Variants in INTS7 observed in about 807,000 individuals in gnomAD.
The protein encoded by INTS7 is chromosome 1 open reading frame 73.
Under a neutral mutation model 109.2 loss-of-function variants are expected in INTS7, and 46 were observed. That is an observed-to-expected ratio of 0.42 (90% CI 0.33 to 0.54). INTS7 has a LOEUF of 0.54. Ranked by LOEUF, INTS7 falls within the 20% of genes least tolerant of loss-of-function variation. INTS7 has a pLI of 0.07. For synonymous variants in INTS7, 412 were observed against 402.9 expected (o/e 1.02, Z -0.27); for missense variants, 929 against 1,132.4 (o/e 0.82, Z 2.58).
intron 19 of INTS7, among the ~76,000 whole-genome samples, chr1:211,943,675 AG>A (rs1477582867): frequency 6.6e-6 from 1 of 152,220 alleles, no homozygotes; most frequent in Non-Finnish European, 1.5e-5. Flanking sequence ...GCCATAGTTA[AG>A]AAAGTAGTAA....
intron 10 of INTS7, among the ~76,000 whole-genome samples, 180 bp downstream of exon 10, chr1:211,980,913 T>G (rs1243257667): frequency 6.6e-6 from 1 of 152,232 alleles, no homozygotes; most frequent in Non-Finnish European, 1.5e-5. Context: ...GCTGCAGTCA[T>G]GTCATCAGTT....
At position 211,978,308 on chromosome 1, in the gene INTS7, A is replaced by C; in HGVS notation, c.1434T>G (p.Ile478Met). ...GTTGCTTGTCTGTGGCTGATCGTCC[A>C]ATCACCTTGTACAGCTCCATGAGGT... ...LGDLMELYKV[I>M]GRSATDKQQE... The change falls in exon 11 of 20, where the codon ATT (isoleucine) becomes ATG (methionine). Residue 478 changes from isoleucine to methionine, a missense_variant. Around this residue, in one of 2 missense-constraint regions of INTS7, gnomAD observed 787 missense variants for 901.1 expected, o/e 0.87. Coordinates refer to ENST00000366994, the MANE Select transcript of INTS7 (RefSeq NM_015434.4). 6.2e-7 allele frequency: 1 copy of C among 1,614,168 alleles called. No homozygotes were observed. The highest frequency in any genetic ancestry group is 1.6e-4 in the Middle Eastern group (1 of 6,062).
Position 212,035,554 on chromosome 1 carries a change from T to A in INTS7, c.-117A>T. ...TTCTTCCGCGCGCTGTCAAGCCCTG[T>A]TACGCATGCGCCCTGGTCACCCCGC... On this transcript the variant is annotated 5_prime_UTR_variant, in exon 1 of 20. Coordinates refer to ENST00000366994, the MANE Select transcript of INTS7 (RefSeq NM_015434.4). The A allele has an allele frequency of 3.7e-6, 3 of 820,750 alleles. No homozygotes were observed. The highest frequency in any genetic ancestry group is 2.5e-5 in the East Asian group (1 of 39,778). 50.8% of individuals were successfully genotyped at this position (820,750 alleles called of 1,614,324 possible).
In INTS7 at chr1:211,975,220, A is replaced by T; in HGVS notation, c.1761T>A (p.Leu587=). 1.9e-6 allele frequency: 3 copies of T among 1,613,882 alleles called. No homozygotes were observed. The highest frequency in any genetic ancestry group is 2.5e-6 in the Non-Finnish European group (3 of 1,179,784). The stretch of plus-strand genomic sequence containing the variant: ...ATTTTAAAGATTCAGCAATGCAAGA[A>T]AGTGCTGAACTATAATTTTCCTCTT... The part of the protein sequence containing the change: ...GLQEENYSSA[L]SCIAESLKFY... Residue 587 remains leucine, a synonymous_variant, in exon 13 of 20, where the codon CTT becomes CTA. Transcript: ENST00000366994.
rs1662852152 is a variant in INTS7, at chr1:211,946,477, A to AAAAAC, written c.2415+125_2415+129dup. 5.1e-6 allele frequency: 3 copies of AAAAAC among 590,128 alleles called. No homozygotes were observed. Among genetic ancestry groups the AAAAAC allele is most frequent in the Admixed American group, 3.2e-5 (1 of 30,936 alleles). 36.6% of individuals were successfully genotyped at this position (590,128 alleles called of 1,614,324 possible). On this transcript the variant is annotated intron_variant, in intron 18 of 19. Coordinates refer to ENST00000366994, the MANE Select transcript of INTS7 (RefSeq NM_015434.4). This position sits in a 1 kb window ranked among gnomAD's most constrained non-coding sequence, Gnocchi z 4.3. ...GGCGACAGGGCGAGACTCTGTCTCA[A>AAAAAC]AAAACAAAACAAAACAAAAAAACCA...
intron 16 of INTS7, among the ~76,000 whole-genome samples, chr1:211,961,202 G>T (rs1393839304): frequency 6.6e-6 from 1 of 151,868 alleles, no homozygotes; most frequent in Non-Finnish European, 1.5e-5. Context: ...CCTAGAAAAA[G>T]AGGCCAACAT....
chr1:211,944,027 A>C lies in INTS7; in HGVS notation c.2601+757T>G, dbSNP rs371013282. Among the ~76,000 whole-genome samples the C allele has an allele frequency of 2.6e-5, 4 of 152,248 alleles. No individual in the cohort carries two copies. The East Asian group carries it at 7.7e-4, about 29-fold the overall frequency. ...CTAACAATGTAGCCTAATTCAGGTT[A>C]TTACTTACCTATATCCTGAGTTCCC... is the stretch of plus-strand genomic sequence containing the variant. On this transcript the variant is annotated intron_variant, in intron 19 of 19. Coordinates refer to ENST00000366994, the MANE Select transcript of INTS7 (RefSeq NM_015434.4).
At chr1:211,945,518 C>T (rs78497788) in intron 18 of INTS7, among the ~76,000 whole-genome samples, 3,932 of 152,150 alleles carry the variant, frequency 0.026, 56 homozygotes, top group African/African-American at 0.045. Context: ...TAAAGAAAGC[C>T]CAAGTCTTGC....
chr1:211,968,812 TA>T (rs1437000994), intron 13 of INTS7, 105 bp from the exon 14 acceptor site: 1 of 709,440 alleles, frequency 1.4e-6, no homozygotes, highest in Non-Finnish European at 2.2e-6. Context: ...AGTAGTTCTC[TA>T]AAAACACTGA....
chr1:212,010,449 G>T (rs193146810), intron 5 of INTS7, among the ~76,000 whole-genome samples: 1 of 152,120 alleles, frequency 6.6e-6, no homozygotes, highest in Non-Finnish European at 1.5e-5. Context: ...GATTCTAAAT[G>T]CAACTGGAAG....
At chr1:211,952,530 T>C (rs771727009) in intron 17 of INTS7, 39 bp downstream of exon 17, 3 of 1,600,810 alleles carry the variant, frequency 1.9e-6, no homozygotes, top group East Asian at 4.5e-5. Flanking sequence ...AAAACCCACA[T>C]CCATACAATA....
chr1:211,947,670 C>G (rs887847473), intron 17 of INTS7, among the ~76,000 whole-genome samples: 2 of 152,126 alleles, frequency 1.3e-5, no homozygotes, highest in Non-Finnish European at 2.9e-5. Flanking sequence ...GGGTCCCAGC[C>G]GCTTACAGGC....
At chr1:211,945,424 A>G (rs953217705) in intron 18 of INTS7, among the ~76,000 whole-genome samples, 49 of 152,254 alleles carry the variant, frequency 3.2e-4, no homozygotes, top group Non-Finnish European at 1.6e-4. Flanking sequence ...AAAAAAGTCA[A>G]TATCTACAAA....
chr1:212,025,186 G>A (rs1239295040), intron 1 of INTS7, among the ~76,000 whole-genome samples: 3 of 152,150 alleles, frequency 2.0e-5, no homozygotes, highest in East Asian at 1.9e-4. Context: ...CACATAAAAC[G>A]ATCTCAAAAT....
At chr1:212,034,160 G>A (rs1293689937) in intron 1 of INTS7, among the ~76,000 whole-genome samples, 3 of 151,922 alleles carry the variant, frequency 2.0e-5, no homozygotes, top group East Asian at 3.9e-4. Flanking sequence ...TTTGGTAAGA[G>A]AAGGAAAAGT....
Position 212,032,609 on chromosome 1 carries a change from TGG to T in INTS7, c.94+2733_94+2734del, listed in dbSNP as rs1373286439. Among the ~76,000 whole-genome samples, 9 of 152,198 alleles carry T rather than the reference TGG, an allele frequency of 5.9e-5. 1 individual carries two copies. Among genetic ancestry groups the T allele is most frequent in the Admixed American group, 3.3e-4 (5 of 15,290 alleles). On this transcript the variant is annotated intron_variant, in intron 1 of 19. Coordinates refer to ENST00000366994, the MANE Select transcript of INTS7 (RefSeq NM_015434.4). Reference sequence around the variant, plus strand: ...CTCCTGCCTCAGCCTCCCAAGTAGCTGGAACTACAGGTGCCCACCACCACGCC... The same window carrying T: ...CTCCTGCCTCAGCCTCCCAAGTAGCTAACTACAGGTGCCCACCACCACGCC...
chr1:211,944,790 G>C lies in INTS7; in HGVS notation c.2595C>G (p.Asp865Glu), dbSNP rs139927041. The C allele has an allele frequency of 5.5e-5, 88 of 1,613,058 alleles. No homozygotes were observed. Among genetic ancestry groups the C allele is most frequent in the Middle Eastern group, 1.6e-4 (1 of 6,084 alleles). ...TGCCTCTTTTCTAAATTACCTTGTA[G>C]TCTTGTCCAGATTTACTCTGCAGTG... ...SSTLQSKSGQ[D>E]YKIPIDNMTN... Residue 865 changes from aspartate to glutamate, a missense_variant, in exon 19 of 20, where the codon GAC (aspartate) becomes GAG (glutamate). Transcript: ENST00000366994.
Position 211,977,892 on chromosome 1 carries a change from TA to T in INTS7, c.1470+379del, listed in dbSNP as rs141662137. Among the ~76,000 whole-genome samples, 1,206 of 152,304 alleles carry T rather than the reference TA, an allele frequency of 7.9e-3. 17 individuals are homozygous for T. The highest frequency in any genetic ancestry group is 0.027 in the African/African-American group (1,134 of 41,574). On this transcript the variant is annotated intron_variant, in intron 11 of 19. Coordinates refer to ENST00000366994, the MANE Select transcript of INTS7 (RefSeq NM_015434.4). ...CATTAGATTTTTAACTTCTATTTTC[TA>T]AAGTACAAAACAGGGTTTAGTTCAT...
chr1:211,999,271 A>G (rs966478394), intron 7 of INTS7, among the ~76,000 whole-genome samples: 9 of 152,244 alleles, frequency 5.9e-5, no homozygotes, highest in African/African-American at 9.6e-5. Context: ...GTATCTGAAT[A>G]CTGCTCAGCA....
Sources: allele counts gnomAD v4.1 joint callset (sites outside exome capture counted in the v4.1 genomes callset), GRCh38; gene constraint gnomAD v4.1.1; regional missense constraint gnomAD v4.1.1; non-coding constraint Gnocchi (gnomAD v3.1); transcripts MANE v1.5; gene names NCBI Gene and HGNC (gene_info 2026-07-23, HGNC 2026-07-21).